CARD10: variants seen among roughly 807,000 people sequenced by gnomAD.
CARD10 encodes the protein caspase recruitment domain-containing protein 10.
A neutral mutation model predicts 114.6 loss-of-function variants in CARD10; 49 were observed. That is an observed-to-expected ratio of 0.43 (90% CI 0.34 to 0.54). The LOEUF is 0.54. Ranked by LOEUF, CARD10 falls within the 20% of genes least tolerant of loss-of-function variation. CARD10 has a pLI of 0.03. For synonymous variants in CARD10, 602 were observed against 593.2 expected (o/e 1.01, Z -0.21); for missense variants, 1,206 against 1,397.2 (o/e 0.86, Z 2.18).
chr22:37,515,006 G>T (rs747266824), intron 3 of CARD10, among the ~76,000 whole-genome samples: 10 of 152,210 alleles, frequency 6.6e-5, no homozygotes, highest in Non-Finnish European at 1.3e-4. Context: ...GCGTGGGAAG[G>T]GGGCTGGCAC....
intron 11 of CARD10, among the ~76,000 whole-genome samples, chr22:37,498,277 C>T (rs921511484): frequency 2.0e-5 from 3 of 152,156 alleles, no homozygotes; most frequent in African/African-American, 7.2e-5. Flanking sequence ...GGTTTTCCTC[C>T]CATGGGCAGG....
intron 2 of CARD10, 77 bp downstream of exon 2, chr22:37,517,894 G>T: frequency 6.5e-7 from 1 of 1,529,616 alleles, no homozygotes; most frequent in South Asian, 1.2e-5. Context: ...TAGTGGGAGC[G>T]CCTCCCTAAC....
intron 14 of CARD10, 34 bp from the exon 15 acceptor site, chr22:37,495,620 G>A: frequency 6.2e-7 from 1 of 1,611,356 alleles, no homozygotes; most frequent in Admixed American, 1.7e-5. Context: ...TGTGTAGAAA[G>A]AAGGAAAGCT....
At position 37,491,082 on chromosome 22, in the gene CARD10, G is replaced by A. The variant is rs1237791021; in HGVS notation, c.*77C>T. 5.9e-6 allele frequency: 7 copies of A among 1,191,880 alleles called. No individual in the cohort carries two copies. The highest frequency in any genetic ancestry group is 8.4e-6 in the Non-Finnish European group (7 of 835,182). 73.8% of individuals were successfully genotyped at this position (1,191,880 alleles called of 1,614,324 possible). A position where few individuals can be genotyped will look rare whatever the true frequency, so the allele number is the denominator to read the frequency against. On this transcript the variant is annotated 3_prime_UTR_variant, in exon 20 of 20. Coordinates refer to ENST00000251973, the MANE Select transcript of CARD10 (RefSeq NM_014550.4). ...AGTCCAAGGGTCTAGGAAGGCTCAG[G>A]GTGGGAGGGCCCAGCTTCACCATAG...
At chr22:37,518,150 G>A (rs370966497) in intron 1 of CARD10, 42 bp from the exon 2 acceptor site, 12 of 1,594,592 alleles carry the variant, frequency 7.5e-6, no homozygotes, top group African/African-American at 1.3e-5. Context: ...CTAGGGGAAG[G>A]CCTCCCCAGG....
chr22:37,491,716 T>C, intron 19 of CARD10, 39 bp downstream of exon 19: 1 of 1,082,922 alleles, frequency 9.2e-7, no homozygotes. Context: ...AGCTCTCAGG[T>C]CCGAGTGCCC....
At chr22:37,517,306 GGCGTGTGT>G (rs1923872784) in intron 2 of CARD10, among the ~76,000 whole-genome samples, 1 of 152,170 alleles carries the variant, frequency 6.6e-6, no homozygotes. Flanking sequence ...TACACACGTA[GGCGTGTGT>G]GCGTGTGTGT....
intron 11 of CARD10, among the ~76,000 whole-genome samples, chr22:37,497,398 G>C (rs964771321): frequency 2.6e-5 from 4 of 152,122 alleles, no homozygotes; most frequent in Non-Finnish European, 4.4e-5. Context: ...CTGGACCTGG[G>C]CACACGGTGC....
In CARD10 at chr22:37,501,699, T is replaced by C. The variant is rs1437287788; in HGVS notation, c.1787+903A>G. On this transcript the variant is annotated intron_variant, in intron 11 of 19. Coordinates refer to ENST00000251973, the MANE Select transcript of CARD10 (RefSeq NM_014550.4). The surrounding 1 kb of genome is among the most constrained non-coding windows in gnomAD (Gnocchi z 5.4). ...TCCCAACTGTGGGACCCTGGGCAAG[T>C]TGCTTAACCTCTCTGAGCCCCAGTT... Among the ~76,000 whole-genome samples, 1 of 152,362 alleles carries C rather than the reference T, an allele frequency of 6.6e-6. No individual in the cohort carries two copies. Among genetic ancestry groups the C allele is most frequent in the South Asian group, 2.1e-4 (1 of 4,828 alleles).
intron 7 of CARD10, 97 bp from the exon 8 acceptor site, chr22:37,504,866 A>T: frequency 9.7e-6 from 6 of 621,480 alleles, no homozygotes; most frequent in Non-Finnish European, 1.5e-5. Flanking sequence ...GCACAGGGAC[A>T]GATCCCTGTC....
rs996753315 is a variant in CARD10 at position 37,490,725 on chromosome 22, C to T, written c.*434G>A. On this transcript the variant is annotated 3_prime_UTR_variant, in exon 20 of 20. Coordinates refer to ENST00000251973, the MANE Select transcript of CARD10 (RefSeq NM_014550.4). ...CTGGATGGTGGGAGTCACGCGGTAACGGGCTCAGGTCTCCTAGGAGCAGAA... is the reference window on the plus strand; with the variant it reads ...CTGGATGGTGGGAGTCACGCGGTAATGGGCTCAGGTCTCCTAGGAGCAGAA... The T allele has an allele frequency of 8.5e-5, 14 of 165,458 alleles. No homozygotes were observed. Among genetic ancestry groups the T allele is most frequent in the South Asian group, 3.5e-4 (2 of 5,742 alleles). 10.2% of individuals were successfully genotyped at this position (165,458 alleles called of 1,614,324 possible).
intron 19 of CARD10, 70 bp from the exon 20 acceptor site, chr22:37,491,463 A>G (rs1198550116): frequency 8.0e-5 from 92 of 1,153,654 alleles, no homozygotes; most frequent in Non-Finnish European, 1.0e-4. Flanking sequence ...GGAGAGAGGG[A>G]CAGACAAAGG....
intron 6 of CARD10, among the ~76,000 whole-genome samples, chr22:37,506,866 GC>G (rs1426094634): frequency 1.3e-5 from 2 of 152,202 alleles, no homozygotes; most frequent in Admixed American, 6.5e-5. Context: ...GCCGGGGGCA[GC>G]CCCATAAAAT....
At chr22:37,497,931 G>A (rs1349556408) in intron 11 of CARD10, among the ~76,000 whole-genome samples, 1 of 151,934 alleles carries the variant, frequency 6.6e-6, no homozygotes, top group Non-Finnish European at 1.5e-5. Flanking sequence ...CAGATCCAAA[G>A]GTGGTTACAA....
intron 3 of CARD10, among the ~76,000 whole-genome samples, chr22:37,511,648 G>T (rs140710816): frequency 0.022 from 3,332 of 151,946 alleles, 46 homozygotes; most frequent in Admixed American, 0.038. Flanking sequence ...TGTACGGGGG[G>T]GGTGTGAGGG....
Position 37,510,077 on chromosome 22 carries a change from G to C in CARD10, c.909+135C>G, listed in dbSNP as rs9712930. ...AGCCCCGCTACCCAGCCTGTGCCCA[G>C]AAGCCCTGGCCCTGCTACCTGCTGC... On this transcript the variant is annotated intron_variant, in intron 4 of 19. Coordinates refer to ENST00000251973, the MANE Select transcript of CARD10 (RefSeq NM_014550.4). The C allele has an allele frequency of 1.4e-4, 79 of 560,196 alleles. 4 individuals carry two copies. Among genetic ancestry groups the C allele is most frequent in the Middle Eastern group, 6.8e-4 (1 of 1,472 alleles). The allele number at this position is 560,196 out of a possible 1,614,324, so 34.7% of individuals were successfully genotyped here. A position where few individuals can be genotyped will look rare whatever the true frequency, so the allele number is the denominator to read the frequency against.
Position 37,511,397 on chromosome 22 carries a change from G to A in CARD10, c.700-976C>T, listed in dbSNP as rs373388251. On this transcript the variant is annotated intron_variant, in intron 3 of 19. Transcript: ENST00000251973. ...AAAAAAGAAGAAGAAGGAGAAGGGGGTGAGGAGGAGGAGGGGAGGAGGAGG... is the reference window on the plus strand; with the variant it reads ...AAAAAAGAAGAAGAAGGAGAAGGGGATGAGGAGGAGGAGGGGAGGAGGAGG... Among the ~76,000 whole-genome samples, 94 of 136,572 alleles carry A rather than the reference G, an allele frequency of 6.9e-4. No individual in the cohort carries two copies. In the East Asian group the frequency reaches 0.012, roughly 17 times the overall value. 89.6% of individuals were successfully genotyped at this position (136,572 alleles called of 152,430 possible). A position where few individuals can be genotyped will look rare whatever the true frequency, so the allele number is the denominator to read the frequency against.
In CARD10 at chr22:37,512,468, CACA is replaced by C. The variant is rs1569167364; in HGVS notation, c.700-2050_700-2048del. Among the ~76,000 whole-genome samples, 44 of 45,352 alleles carry C rather than the reference CACA, an allele frequency of 9.7e-4. 1 individual carries two copies. The highest frequency in any genetic ancestry group is 4.7e-3 in the African/African-American group (11 of 2,318). 29.8% of individuals were successfully genotyped at this position (45,352 alleles called of 152,430 possible). A position where few individuals can be genotyped will look rare whatever the true frequency, so the allele number is the denominator to read the frequency against. Reference sequence around the variant, plus strand: ...GGTTAGAATGGCAGCCCCCCCTCCACACACACACACACACACACACACACACAC... The same window carrying C: ...GGTTAGAATGGCAGCCCCCCCTCCACCACACACACACACACACACACACAC... On this transcript the variant is annotated intron_variant, in intron 3 of 19. Coordinates refer to ENST00000251973, the MANE Select transcript of CARD10 (RefSeq NM_014550.4).
chr22:37,511,142 C>T lies in CARD10; in HGVS notation c.700-721G>A, dbSNP rs539270200. ...GGCCTAACACTTTAGAAGGCCGAGG[C>T]GGGCAGATGGAGACTAGCCTAGTTA... is the stretch of plus-strand genomic sequence containing the variant. On this transcript the variant is annotated intron_variant, in intron 3 of 19. Coordinates refer to ENST00000251973, the MANE Select transcript of CARD10 (RefSeq NM_014550.4). Among the ~76,000 whole-genome samples the T allele has an allele frequency of 1.9e-4, 28 of 148,658 alleles. No individual in the cohort carries two copies. In the South Asian group the frequency reaches 5.1e-3, roughly 27 times the overall value.
Sources: allele counts gnomAD v4.1 joint callset (sites outside exome capture counted in the v4.1 genomes callset), GRCh38; gene constraint gnomAD v4.1.1; non-coding constraint Gnocchi (gnomAD v3.1); transcripts MANE v1.5; gene names NCBI Gene and HGNC (gene_info 2026-07-23, HGNC 2026-07-21).